The following SIM1 variants were observed in gnomAD, a reference collection of about 807,000 sequenced individuals.
SIM1 encodes single-minded homolog 1.
A neutral mutation model predicts 78.2 loss-of-function variants in SIM1; 18 were observed. That is an observed-to-expected ratio of 0.23 (90% confidence interval 0.16 to 0.34). The LOEUF is 0.34. Ranked by LOEUF, SIM1 falls within the 10% of genes least tolerant of loss-of-function variation. The pLI, the probability that SIM1 is intolerant of heterozygous loss-of-function variation, is 1.00. For synonymous variants in SIM1, 417 were observed against 385.2 expected, an observed-to-expected ratio of 1.08 and a Z score of -0.97; for missense variants, 939 against 975.1, an observed-to-expected ratio of 0.96 and a Z score of 0.49.
chr6:100,449,255 G>A, intron 6 of SIM1, 108 bp downstream of exon 6: 4 of 864,066 alleles, frequency 4.6e-6, no homozygotes, highest in Admixed American at 2.1e-5. Context: ...GCAAGCTGGG[G>A]GTGCCCTTGC....
chr6:100,443,364 A>G (rs1252908210), intron 9 of SIM1, among the ~76,000 whole-genome samples: 4 of 152,146 alleles, frequency 2.6e-5, no homozygotes, highest in Non-Finnish European at 5.9e-5. Context: ...TTGCTAAGAA[A>G]AAGAAGTTGA....
chr6:100,418,856 T>C (rs1301921665), intron 10 of SIM1, among the ~76,000 whole-genome samples: 1 of 152,058 alleles, frequency 6.6e-6, no homozygotes, highest in Non-Finnish European at 1.5e-5. Flanking sequence ...AAGCTTCTCA[T>C]TAGATGTTCC....
Position 100,426,814 on chromosome 6 carries a change from G to A in SIM1, c.999-5856C>T, listed in dbSNP as rs149966360. 3.5e-4 allele frequency among the ~76,000 whole-genome samples: 53 copies of A among 152,272 alleles called. No homozygotes were observed. The East Asian group carries it at 5.2e-3, about 15-fold the overall frequency. On this transcript the variant is annotated intron_variant, in intron 9 of 11. Coordinates refer to ENST00000369208, the MANE Select transcript of SIM1 (RefSeq NM_005068.3). ...TTTGCTTCTGTCATGTCAATTTGGA[G>A]TCTGCTGGCCAATCTGGAGTTCTTT...
At chr6:100,443,059 G>GC (rs34793156) in intron 9 of SIM1, among the ~76,000 whole-genome samples, 1 of 151,804 alleles carries the variant, frequency 6.6e-6, no homozygotes, top group Non-Finnish European at 1.5e-5. Flanking sequence ...ACAATATAGA[G>GC]CCCCCTTTTT....
intron 10 of SIM1, among the ~76,000 whole-genome samples, chr6:100,412,146 G>A (rs894057341): frequency 1.3e-5 from 2 of 152,062 alleles, no homozygotes; most frequent in Admixed American, 6.5e-5. Flanking sequence ...TCCAAAATAG[G>A]GAGAAAATTA....
intron 2 of SIM1, among the ~76,000 whole-genome samples, chr6:100,457,992 GTCTGTCTCTCTCTTTCTC>G (rs1772717082): frequency 1.5e-5 from 2 of 135,454 alleles, no homozygotes; most frequent in African/African-American, 5.6e-5. Context: ...TCACACCGCT[GTCTGTCTCTCTCTTTCTC>G]TCTCTCTCTC....
intron 9 of SIM1, among the ~76,000 whole-genome samples, chr6:100,434,672 T>C (rs1771997009): frequency 2.0e-5 from 3 of 152,162 alleles, no homozygotes. Flanking sequence ...TAAGATCGCA[T>C]TTTACCAGAG....
intron 1 of SIM1, 114 bp downstream of exon 1, chr6:100,464,474 AGCGCCAGGTTAACAGGTGGCGCGCTC>A (rs1772939951): frequency 6.6e-6 from 1 of 152,234 alleles, no homozygotes; most frequent in Non-Finnish European, 1.5e-5. Context: ...GGGGCCCAGC[AGCGCCAGGTTAACAGGTGGCGCGCTC>A]GCGACAGCCC....
At chr6:100,411,313 A>G (rs3798502) in intron 10 of SIM1, among the ~76,000 whole-genome samples, 21,231 of 152,252 alleles carry the variant, frequency 0.14, 1,942 homozygotes, top group East Asian at 0.43. Context: ...CAGTGAGGAC[A>G]TGAAGACTAG....
rs1048738530 is a variant in SIM1, at chr6:100,386,808, T to G, written c.*3553A>C. The G allele has an allele frequency of 1.3e-5, 2 of 152,110 alleles. No individual in the cohort carries two copies. The highest frequency in any genetic ancestry group is 2.9e-5 in the Non-Finnish European group (2 of 67,946). The allele number at this position is 152,110 out of a possible 1,614,324, so 9.4% of individuals were successfully genotyped here. On this transcript the variant is annotated 3_prime_UTR_variant, in exon 12 of 12. Coordinates refer to ENST00000369208, the MANE Select transcript of SIM1 (RefSeq NM_005068.3). ...TCATTTATTGCATCCCGTCTCATTT[T>G]GAATGTCACCTCAGCACTGTCATAT...
intron 9 of SIM1, among the ~76,000 whole-genome samples, chr6:100,433,372 C>T (rs1156718556): frequency 6.6e-6 from 1 of 152,120 alleles, no homozygotes; most frequent in Non-Finnish European, 1.5e-5. Flanking sequence ...CACCTCAGGG[C>T]CTTTGCATTC....
rs1562239911 is a variant in SIM1, at chr6:100,412,658, AGAGAGAGAGAGAG to A, written c.1167+8119_1167+8131del. On this transcript the variant is annotated intron_variant, in intron 10 of 11. Transcript: ENST00000369208. The stretch of plus-strand genomic sequence containing the variant: ...AAAGAAAAGAAAGAAAGAAAGAAAG[AGAGAGAGAGAGAG>A]AGAAAGAAAGAAAAAGAAAGAAAGA... 1.1e-3 allele frequency among the ~76,000 whole-genome samples: 117 copies of A among 102,684 alleles called. 6 individuals are homozygous for A. Among genetic ancestry groups the A allele is most frequent in the African/African-American group, 3.8e-3 (110 of 28,850 alleles). 67.4% of individuals were successfully genotyped at this position (102,684 alleles called of 152,430 possible).
At position 100,386,730 on chromosome 6, in the gene SIM1, G is replaced by C. The variant is rs1770521291; in HGVS notation, c.*3631C>G. 6.6e-6 allele frequency: 1 copy of C among 151,996 alleles called. No individual in the cohort carries two copies. The highest frequency in any genetic ancestry group is 2.4e-5 in the African/African-American group (1 of 41,408). 9.4% of individuals were successfully genotyped at this position (151,996 alleles called of 1,614,324 possible). On this transcript the variant is annotated 3_prime_UTR_variant, in exon 12 of 12. Coordinates refer to ENST00000369208, the MANE Select transcript of SIM1 (RefSeq NM_005068.3). ...CCCGATGGAAACAATCTAGCCCTAT[G>C]AAATATAACCAAGAAAGAGCAAGTG... is the stretch of plus-strand genomic sequence containing the variant.
chr6:100,447,451 AGCCTGCCTGGGACTGGC>A, intron 8 of SIM1, 36 bp from the exon 9 acceptor site: 1 of 1,613,570 alleles, frequency 6.2e-7, no homozygotes, highest in South Asian at 1.1e-5. Flanking sequence ...GTGGTGAACC[AGCCTGCCTGGGACTGGC>A]CCCAAATGCA....
intron 2 of SIM1, among the ~76,000 whole-genome samples, chr6:100,454,597 T>C (rs1772599453): frequency 6.6e-6 from 1 of 152,148 alleles, no homozygotes; most frequent in South Asian, 2.1e-4. Context: ...ATATTTTCGT[T>C]CTCATCTCTA....
chr6:100,397,461 A>G (rs2114469436), intron 10 of SIM1, among the ~76,000 whole-genome samples: 1 of 152,314 alleles, frequency 6.6e-6, no homozygotes. Flanking sequence ...GAGTAATTGG[A>G]CACTCATAGG....
chr6:100,427,960 A>C (rs1240418336), intron 9 of SIM1, among the ~76,000 whole-genome samples: 1 of 152,230 alleles, frequency 6.6e-6, no homozygotes, highest in Non-Finnish European at 1.5e-5. Context: ...CAAAATAATT[A>C]TCTTTTAATA....
intron 2 of SIM1, among the ~76,000 whole-genome samples, chr6:100,460,909 C>T (rs1429946513): frequency 6.6e-6 from 1 of 152,186 alleles, no homozygotes. Context: ...TAGGAGCCAG[C>T]TGTTCTGATG....
At chr6:100,412,616 GAAAGAAGGAAAGAAAGAAAGAAAAGAAA>G (rs1771242512) in intron 10 of SIM1, among the ~76,000 whole-genome samples, 3 of 91,826 alleles carry the variant, frequency 3.3e-5, no homozygotes, top group Admixed American at 1.3e-4. Flanking sequence ...AGAAAGGAAA[GAAAGAAGGAAAGAAAGAAAGAAAAGAAA>G]GAAAGAAAGA....
Sources: allele counts gnomAD v4.1 joint callset (sites outside exome capture counted in the v4.1 genomes callset), GRCh38; gene constraint gnomAD v4.1.1; transcripts MANE v1.5; gene names NCBI Gene and HGNC (gene_info 2026-07-23, HGNC 2026-07-21).